DNMT3A: variants seen among roughly 807,000 people sequenced by gnomAD.
DNMT3A encodes DNA (cytosine-5)-methyltransferase 3A.
DNMT3A carries 267 observed loss-of-function variants against 117.6 expected under a neutral mutation model. That is an observed-to-expected ratio of 2.27 (90% CI 2.05 to 2.51). DNMT3A has a LOEUF of 2.51. DNMT3A is among the 30% of genes most tolerant of loss of function. The pLI, the probability that DNMT3A is intolerant of heterozygous loss-of-function variation, is 0.00. For missense variants in DNMT3A, 1,029 were observed against 1,260.2 expected (o/e 0.82, Z 2.78); for synonymous variants, 432 against 474.8 (o/e 0.91, Z 1.17).
At chr2:25,325,076 G>C (rs1490364331) in intron 1 of DNMT3A, among the ~76,000 whole-genome samples, 1 of 152,110 alleles carries the variant, frequency 6.6e-6, no homozygotes, top group Non-Finnish European at 1.5e-5. Context: ...GCGGCCACAT[G>C]GGAGTCTGAG....
chr2:25,246,390 G>C lies in DNMT3A; in HGVS notation c.1280-81C>G, dbSNP rs554439999. 6.6e-6 allele frequency: 10 copies of C among 1,516,778 alleles called. No homozygotes were observed. The East Asian group carries it at 2.3e-4, about 34-fold the overall frequency. 94.0% of individuals were successfully genotyped at this position (1,516,778 alleles called of 1,614,324 possible). A position where few individuals can be genotyped will look rare whatever the true frequency, so the allele number is the denominator to read the frequency against. Reference sequence around the variant, plus strand: ...CCCTTCCCCCACCCTCCTTACAGTGGGGTGCGGCCTGGTCTCCAACTTGTT... The same window carrying C: ...CCCTTCCCCCACCCTCCTTACAGTGCGGTGCGGCCTGGTCTCCAACTTGTT... On this transcript the variant is annotated intron_variant, in intron 10 of 22. Transcript: ENST00000321117.
At position 25,244,262 on chromosome 2, in the gene DNMT3A, TCCAGGG is replaced by T; in HGVS notation, c.1738_1743del (p.Pro580_Trp581del). 1 of 1,613,812 alleles carries T rather than the reference TCCAGGG, an allele frequency of 6.2e-7. No individual in the cohort carries two copies. Among genetic ancestry groups the T allele is most frequent in the Non-Finnish European group, 8.5e-7 (1 of 1,179,942 alleles). ...CCCTTGTGCCCGCACATGTAGCAGT[TCCAGGG>T]GTCTTCCTTAATGGCTGCCTGGGCA... On this transcript the variant is annotated inframe_deletion, in exon 15 of 23. Transcript: ENST00000321117.
At chr2:25,326,982 C>T (rs139120301) in intron 1 of DNMT3A, among the ~76,000 whole-genome samples, 1 of 152,288 alleles carries the variant, frequency 6.6e-6, no homozygotes, top group East Asian at 1.9e-4. Flanking sequence ...CCAGTAAATT[C>T]CAGAGGGTGG....
rs1405596833 is a variant in DNMT3A, at chr2:25,254,069, C to A, written c.640-5817G>T. On this transcript the variant is annotated intron_variant, in intron 6 of 22. Coordinates refer to ENST00000321117, the MANE Select transcript of DNMT3A (RefSeq NM_022552.5). This position sits in a 1 kb window ranked among gnomAD's most constrained non-coding sequence, Gnocchi z 4.7. Reference sequence around the variant, plus strand: ...CCTGGGCAACAGAGCGAGACTCCGTCTCAAAAAAAAAAAAAAAAAAGATCT... The same window carrying A: ...CCTGGGCAACAGAGCGAGACTCCGTATCAAAAAAAAAAAAAAAAAAGATCT... Among the ~76,000 whole-genome samples the A allele has an allele frequency of 2.1e-5, 3 of 144,750 alleles. No homozygotes were observed. 95.0% of individuals were successfully genotyped at this position (144,750 alleles called of 152,430 possible).
chr2:25,234,827 G>A lies in DNMT3A; in HGVS notation c.2598-407C>T, dbSNP rs1036790370. On this transcript the variant is annotated intron_variant, in intron 22 of 22. Transcript: ENST00000321117. This position sits in a 1 kb window ranked among gnomAD's most constrained non-coding sequence, Gnocchi z 4.5. ...CCTGGAGTCTGCATGTAACGAACACGTAGCCCTAGCATCCTCCCCATCAAG... is the reference window on the plus strand; with the variant it reads ...CCTGGAGTCTGCATGTAACGAACACATAGCCCTAGCATCCTCCCCATCAAG... Among the ~76,000 whole-genome samples, 9 of 152,144 alleles carry A rather than the reference G, an allele frequency of 5.9e-5. No homozygotes were observed. Among genetic ancestry groups the A allele is most frequent in the Non-Finnish European group, 1.0e-4 (7 of 68,034 alleles).
intron 6 of DNMT3A, among the ~76,000 whole-genome samples, chr2:25,256,712 T>G (rs1326064985): frequency 2.0e-5 from 3 of 152,182 alleles, no homozygotes; most frequent in African/African-American, 7.2e-5. Context: ...TCCCTTATCT[T>G]TCCCTTCTGT....
At chr2:25,321,233 T>C (rs1317952614) in intron 1 of DNMT3A, among the ~76,000 whole-genome samples, 1 of 152,206 alleles carries the variant, frequency 6.6e-6, no homozygotes, top group Non-Finnish European at 1.5e-5. Context: ...GGCTGCATTC[T>C]TTTCTGGAAA....
At chr2:25,335,956 G>GAA (rs796197568) in intron 1 of DNMT3A, among the ~76,000 whole-genome samples, 3 of 142,834 alleles carry the variant, frequency 2.1e-5, no homozygotes, top group South Asian at 4.8e-4. Context: ...AGCTGCTGCT[G>GAA]AAAAAAAAAA....
chr2:25,278,734 G>A (rs1459476745), intron 4 of DNMT3A, among the ~76,000 whole-genome samples: 1 of 152,146 alleles, frequency 6.6e-6, no homozygotes, highest in African/African-American at 2.4e-5. Flanking sequence ...GCTGAGGCAG[G>A]AGAATCGCTT....
In DNMT3A at chr2:25,229,748, A is replaced by C. The variant is rs867194506; in HGVS notation, c.*4531T>G. The stretch of plus-strand genomic sequence containing the variant: ...GCCACTGCAACTCCGCACCAAGCAG[A>C]GTAGCAACAGGAATTCAAAACTGCC... On this transcript the variant is annotated 3_prime_UTR_variant, in exon 23 of 23. Coordinates refer to ENST00000321117, the MANE Select transcript of DNMT3A (RefSeq NM_022552.5). 6.6e-6 allele frequency: 1 copy of C among 152,270 alleles called. No homozygotes were observed. The highest frequency in any genetic ancestry group is 1.5e-5 in the Non-Finnish European group (1 of 68,048). The allele number at this position is 152,270 out of a possible 1,614,324, so 9.4% of individuals were successfully genotyped here. A position where few individuals can be genotyped will look rare whatever the true frequency, so the allele number is the denominator to read the frequency against.
intron 1 of DNMT3A, among the ~76,000 whole-genome samples, chr2:25,316,067 G>A (rs1279338471): frequency 6.6e-6 from 1 of 152,242 alleles, no homozygotes. Flanking sequence ...GGCCAAGGAA[G>A]CTGTTGCGGC....
chr2:25,269,402 T>C (rs1362983002), intron 6 of DNMT3A, among the ~76,000 whole-genome samples: 2 of 152,110 alleles, frequency 1.3e-5, no homozygotes, highest in Admixed American at 1.3e-4. Flanking sequence ...TGGAGAAATC[T>C]TGGAAACCTT....
rs1558716009 is a variant in DNMT3A at position 25,293,108 on chromosome 2, G to C, written c.177+7031C>G. On this transcript the variant is annotated intron_variant, in intron 3 of 22. Coordinates refer to ENST00000321117, the MANE Select transcript of DNMT3A (RefSeq NM_022552.5). The surrounding 1 kb of genome is among the most constrained non-coding windows in gnomAD (Gnocchi z 4.7). ...CTTGACAGGGGCCCCTTCCCCATCT[G>C]CTCCCTTCCAGAAGCCTTGTCTCTG... 3.3e-5 allele frequency among the ~76,000 whole-genome samples: 5 copies of C among 151,974 alleles called. No individual in the cohort carries two copies. The highest frequency in any genetic ancestry group is 2.6e-4 in the Admixed American group (4 of 15,282).
At chr2:25,272,050 A>G in intron 6 of DNMT3A, among the ~76,000 whole-genome samples, 1 of 152,136 alleles carries the variant, frequency 6.6e-6, no homozygotes, top group East Asian at 1.9e-4. Context: ...GCAGTGGCAC[A>G]ATCTCGGCTC....
At chr2:25,264,332 G>A (rs1001063522) in intron 6 of DNMT3A, among the ~76,000 whole-genome samples, 4 of 151,722 alleles carry the variant, frequency 2.6e-5, no homozygotes, top group South Asian at 2.1e-4. Flanking sequence ...TAGAGACGGC[G>A]TTTCACCATG....
intron 2 of DNMT3A, among the ~76,000 whole-genome samples, chr2:25,300,924 T>C (rs2033477747): frequency 6.7e-6 from 1 of 150,364 alleles, no homozygotes; most frequent in Non-Finnish European, 1.5e-5. Context: ...GAGAAAGCTT[T>C]TGTTCACAGA....
rs1418475365 is a variant in DNMT3A, at chr2:25,229,624, C to T, written c.*4655G>A. The T allele has an allele frequency of 6.6e-6, 1 of 152,272 alleles. No individual in the cohort carries two copies. The highest frequency in any genetic ancestry group is 2.4e-5 in the African/African-American group (1 of 41,462). 9.4% of individuals were successfully genotyped at this position (152,272 alleles called of 1,614,324 possible). ...CCGACCAAAGGAAGCAAGCAGCCCT[C>T]TTCAGGGCACAGTGCCAGGCAGCAC... On this transcript the variant is annotated 3_prime_UTR_variant, in exon 23 of 23. Coordinates refer to ENST00000321117, the MANE Select transcript of DNMT3A (RefSeq NM_022552.5).
At chr2:25,340,520 G>A (rs1177481419) in intron 1 of DNMT3A, among the ~76,000 whole-genome samples, 1 of 152,054 alleles carries the variant, frequency 6.6e-6, no homozygotes, top group Non-Finnish European at 1.5e-5. Flanking sequence ...CGCCGAAGGG[G>A]AGGGAAGGCA....
At chr2:25,246,583 G>A (rs369392027) in intron 10 of DNMT3A, 37 bp downstream of exon 10, 16 of 1,590,844 alleles carry the variant, frequency 1.0e-5, no homozygotes, top group East Asian at 9.0e-5. Context: ...TCTGCCTGGC[G>A]GGCAGGGGTC....
Sources: gnomAD v4.1 joint callset for allele counts (sites outside exome capture counted in the v4.1 genomes callset) on GRCh38, gnomAD v4.1.1 for gene constraint, Gnocchi (gnomAD v3.1) non-coding constraint, MANE v1.5 for transcripts, NCBI Gene and HGNC (gene_info 2026-07-23, HGNC 2026-07-21) for gene names.